The following XPO6 variants were observed in gnomAD, a reference collection of about 807,000 sequenced individuals.
XPO6 encodes the protein exportin 6.
Under a neutral mutation model 130.0 loss-of-function variants are expected in XPO6, and 3 were observed. The ratio of observed to expected loss-of-function variants is 0.02; its 90% confidence interval spans 0.01 to 0.06. XPO6 has a LOEUF of 0.06. Among genes scored for constraint, XPO6 ranks in the 10% least tolerant of loss-of-function variants. XPO6 has a pLI of 1.00. For missense variants in XPO6, 970 were observed against 1,393.0 expected (o/e 0.70, Z 4.83); for synonymous variants, 524 against 548.9 (o/e 0.95, Z 0.63).
chr16:28,211,628 C>T lies in XPO6; in HGVS notation c.-260G>A, dbSNP rs1374236691. ...AACTGAAAAAGCAGGAAATGAGGCTCGGATGCCGGCGAGGAGGGCAGCTGC... is the reference window on the plus strand; with the variant it reads ...AACTGAAAAAGCAGGAAATGAGGCTTGGATGCCGGCGAGGAGGGCAGCTGC... On this transcript the variant is annotated 5_prime_UTR_variant, in exon 1 of 24. Transcript: ENST00000304658. 4.0e-5 allele frequency: 16 copies of T among 395,976 alleles called. No homozygotes were observed. The highest frequency in any genetic ancestry group is 6.6e-5 in the Non-Finnish European group (15 of 226,118). 24.5% of individuals were successfully genotyped at this position (395,976 alleles called of 1,614,324 possible). A position where few individuals can be genotyped will look rare whatever the true frequency, so the allele number is the denominator to read the frequency against.
At chr16:28,110,319 G>T (rs1264812929) in intron 17 of XPO6, among the ~76,000 whole-genome samples, 1 of 152,198 alleles carries the variant, frequency 6.6e-6, no homozygotes, top group Non-Finnish European at 1.5e-5. Flanking sequence ...CATGTAGCTG[G>T]CTCTGGCCAA....
intron 8 of XPO6, among the ~76,000 whole-genome samples, chr16:28,147,730 G>A (rs979254538): frequency 6.6e-6 from 1 of 152,178 alleles, no homozygotes; most frequent in African/African-American, 2.4e-5. Flanking sequence ...TGGATCTCTT[G>A]AGGTCAGGAG....
intron 21 of XPO6, among the ~76,000 whole-genome samples, chr16:28,102,637 C>CT (rs1358052687): frequency 3.9e-5 from 6 of 152,148 alleles, no homozygotes; most frequent in Non-Finnish European, 8.8e-5. Context: ...ACTCGGGAGG[C>CT]TGAGGCAGGA....
chr16:28,121,629 G>T (rs1274499199), intron 14 of XPO6, 41 bp downstream of exon 14: 1 of 1,408,668 alleles, frequency 7.1e-7, no homozygotes, highest in East Asian at 2.3e-5. Context: ...TGGGGGCAAG[G>T]TCTTTCCTAA....
intron 17 of XPO6, among the ~76,000 whole-genome samples, chr16:28,107,940 T>A (rs1404723002): frequency 6.6e-6 from 1 of 152,096 alleles, no homozygotes; most frequent in Non-Finnish European, 1.5e-5. Flanking sequence ...CTTGCTCAGG[T>A]TTTTGCCTCT....
chr16:28,195,427 C>T (rs1371724057), intron 1 of XPO6, among the ~76,000 whole-genome samples: 1 of 152,084 alleles, frequency 6.6e-6, no homozygotes, highest in African/African-American at 2.4e-5. Context: ...AAACTACTCA[C>T]CTAAAAACAC....
At chr16:28,136,078 A>G (rs184681856) in intron 9 of XPO6, among the ~76,000 whole-genome samples, 310 of 152,324 alleles carry the variant, frequency 2.0e-3, no homozygotes, top group Middle Eastern at 0.01. Flanking sequence ...TGGTATCAAT[A>G]TTTTTCTGAT....
intron 1 of XPO6, among the ~76,000 whole-genome samples, chr16:28,204,784 G>C (rs1372286859): frequency 6.6e-6 from 1 of 152,208 alleles, no homozygotes; most frequent in Non-Finnish European, 1.5e-5. Flanking sequence ...CTGAACTGCA[G>C]AAGGGGTACT....
At chr16:28,172,584 A>C (rs1009690890) in intron 4 of XPO6, among the ~76,000 whole-genome samples, 1 of 152,092 alleles carries the variant, frequency 6.6e-6, no homozygotes, top group African/African-American at 2.4e-5. Flanking sequence ...GGTCGGTTTC[A>C]ATTTCGATTA....
intron 1 of XPO6, among the ~76,000 whole-genome samples, chr16:28,201,993 CAG>C (rs2043961058): frequency 6.6e-6 from 1 of 152,126 alleles, no homozygotes; most frequent in East Asian, 1.9e-4. Context: ...TGGAAAGCCT[CAG>C]AGAGGTAATG....
intron 9 of XPO6, among the ~76,000 whole-genome samples, chr16:28,136,345 G>A (rs974298663): frequency 6.6e-6 from 1 of 152,170 alleles, no homozygotes; most frequent in Non-Finnish European, 1.5e-5. Flanking sequence ...TCAGCCTCCC[G>A]AGTGGCTGGG....
intron 5 of XPO6, among the ~76,000 whole-genome samples, chr16:28,168,669 A>G (rs568998952): frequency 6.6e-6 from 1 of 150,842 alleles, no homozygotes; most frequent in East Asian, 2.0e-4. Context: ...TGGTACGATC[A>G]TAGGTCACTG....
chr16:28,149,788 C>T (rs563579762), intron 8 of XPO6, among the ~76,000 whole-genome samples: 7 of 152,192 alleles, frequency 4.6e-5, no homozygotes, highest in Non-Finnish European at 7.4e-5. Context: ...ACGCAACACA[C>T]GACTGTACTA....
At chr16:28,140,640 T>C (rs562978883) in intron 9 of XPO6, among the ~76,000 whole-genome samples, 76 of 148,784 alleles carry the variant, frequency 5.1e-4, no homozygotes, top group Admixed American at 3.8e-3. Flanking sequence ...ATCACGCCAC[T>C]GCACTCCAGC....
chr16:28,178,839 C>T (rs1294800901), intron 2 of XPO6, among the ~76,000 whole-genome samples: 1 of 151,806 alleles, frequency 6.6e-6, no homozygotes, highest in Non-Finnish European at 1.5e-5. Flanking sequence ...GAGGCCAAGG[C>T]GGGTGTATCA....
chr16:28,159,853 G>A (rs2043244248), intron 6 of XPO6, among the ~76,000 whole-genome samples: 1 of 152,114 alleles, frequency 6.6e-6, no homozygotes, highest in Non-Finnish European at 1.5e-5. Flanking sequence ...AGCACCTCAA[G>A]GTCAGCAATT....
chr16:28,134,798 ACTCC>A (rs2042743477), intron 10 of XPO6, among the ~76,000 whole-genome samples: 1 of 152,202 alleles, frequency 6.6e-6, no homozygotes. Flanking sequence ...TGCATAATGT[ACTCC>A]AAACAGACTT....
rs866856743 is a variant in XPO6, at chr16:28,137,119, C to T, written c.1335-1795G>A. Among the ~76,000 whole-genome samples the T allele has an allele frequency of 5.9e-5, 9 of 152,354 alleles. No individual in the cohort carries two copies. In the South Asian group the frequency reaches 6.2e-4, roughly 11 times the overall value. ...CATTCCACATTCCCAGAACTAGTAT[C>T]GTGCACCCTCAGAGGTGGAGGCAAC... is the stretch of plus-strand genomic sequence containing the variant. On this transcript the variant is annotated intron_variant, in intron 9 of 23. Transcript: ENST00000304658.
At chr16:28,133,109 G>A (rs1352997233) in intron 11 of XPO6, among the ~76,000 whole-genome samples, 2 of 152,206 alleles carry the variant, frequency 1.3e-5, no homozygotes, top group African/African-American at 4.8e-5. Context: ...AGGCAGAGGC[G>A]GGCAGACGAC....
Sources: gnomAD v4.1 joint callset for allele counts (sites outside exome capture counted in the v4.1 genomes callset) on GRCh38, gnomAD v4.1.1 for gene constraint, MANE v1.5 for transcripts, NCBI Gene and HGNC (gene_info 2026-07-23, HGNC 2026-07-21) for gene names.